PLEKHA8: variants seen among roughly 807,000 people sequenced by gnomAD.
PLEKHA8 encodes the protein pleckstrin homology domain-containing family A member 8.
A neutral mutation model predicts 68.2 loss-of-function variants in PLEKHA8; 36 were observed. The ratio of observed to expected loss-of-function variants is 0.53; its 90% CI spans 0.40 to 0.70. PLEKHA8 has a LOEUF of 0.70. Among genes scored for constraint, PLEKHA8 ranks in the 30% least tolerant of loss-of-function variants. PLEKHA8 has a pLI of 0.00. For missense variants in PLEKHA8, 505 were observed against 615.4 expected, an observed-to-expected ratio of 0.82 and a Z score of 1.90; for synonymous variants, 211 against 216.1, an observed-to-expected ratio of 0.98 and a Z score of 0.20.
intron 2 of PLEKHA8, among the ~76,000 whole-genome samples, chr7:30,046,006 G>GT (rs1791925960): frequency 6.6e-6 from 1 of 152,178 alleles, no homozygotes; most frequent in African/African-American, 2.4e-5. Flanking sequence ...CAATTGCAAG[G>GT]TTTTCCCTCT....
chr7:30,061,292 G>T (rs1240558179), intron 10 of PLEKHA8, among the ~76,000 whole-genome samples: 2 of 152,120 alleles, frequency 1.3e-5, no homozygotes, highest in Admixed American at 1.3e-4. Context: ...TAAAAGATAG[G>T]TTATATAGTG....
intron 7 of PLEKHA8, among the ~76,000 whole-genome samples, chr7:30,053,367 C>T (rs1198442044): frequency 1.3e-5 from 2 of 152,170 alleles, no homozygotes; most frequent in East Asian, 3.8e-4. Flanking sequence ...GCACTAATCA[C>T]TGAAATCTAC....
At chr7:30,118,630 T>G (rs1308787938) in intron 13 of PLEKHA8, among the ~76,000 whole-genome samples, 10 of 150,778 alleles carry the variant, frequency 6.6e-5, no homozygotes, top group African/African-American at 1.5e-4. Context: ...CAGGCTGGAG[T>G]GCAGTGGCGC....
At chr7:30,088,822 T>C (rs1795282289), downstream of PLEKHA8, among the ~76,000 whole-genome samples, 1 of 151,978 alleles carries the variant, frequency 6.6e-6, no homozygotes, top group East Asian at 1.9e-4. Flanking sequence ...AGAACACTCA[T>C]TGAAATTTAG....
chr7:30,115,273 A>C (rs1384457433), intron 13 of PLEKHA8, among the ~76,000 whole-genome samples: 2 of 152,184 alleles, frequency 1.3e-5, no homozygotes, highest in Non-Finnish European at 2.9e-5. Context: ...CCTTTAAAAA[A>C]AGTATGATGT....
chr7:30,115,138 G>T (rs1043908324), intron 13 of PLEKHA8, among the ~76,000 whole-genome samples: 5 of 152,112 alleles, frequency 3.3e-5, no homozygotes, highest in African/African-American at 1.2e-4. Flanking sequence ...TCTGTTGCCA[G>T]TTCATTCATG....
At chr7:30,061,844 G>A in intron 10 of PLEKHA8, 53 bp from the exon 11 acceptor site, 1 of 1,606,266 alleles carries the variant, frequency 6.2e-7, no homozygotes, top group South Asian at 1.1e-5. Flanking sequence ...ATACTGAGTT[G>A]CTTGATAACT....
chr7:30,035,810 A>AT (rs527687338), intron 1 of PLEKHA8, among the ~76,000 whole-genome samples: 27 of 150,322 alleles, frequency 1.8e-4, no homozygotes, highest in Middle Eastern at 3.4e-3. Flanking sequence ...AGCCCGGCTG[A>AT]TTTTTTTTTG....
intron 4 of PLEKHA8, 78 bp from the exon 5 acceptor site, chr7:30,049,146 A>T: frequency 6.5e-7 from 1 of 1,545,078 alleles, no homozygotes; most frequent in Non-Finnish European, 8.9e-7. Flanking sequence ...TTTGTGGGCA[A>T]CCTCTAAGGA....
intron 12 of PLEKHA8, among the ~76,000 whole-genome samples, chr7:30,070,457 G>A (rs2127993562): frequency 6.6e-6 from 1 of 151,470 alleles, no homozygotes; most frequent in East Asian, 1.9e-4. Flanking sequence ...ATGGAAAAGA[G>A]TTTCTAGGCT....
At chr7:30,105,569 C>G (rs1376122234) in intron 13 of PLEKHA8, among the ~76,000 whole-genome samples, 4 of 152,246 alleles carry the variant, frequency 2.6e-5, no homozygotes, top group African/African-American at 9.6e-5. Flanking sequence ...ATCAAAACAG[C>G]AAGTTCAAGA....
At chr7:30,130,358 C>T (rs1796852535), downstream of PLEKHA8, 1 of 152,144 alleles carries the variant, frequency 6.6e-6, no homozygotes, top group Non-Finnish European at 1.5e-5. Context: ...CTGAAGGAAG[C>T]CCCTGAAAGT....
At position 30,079,821 on chromosome 7, in the gene PLEKHA8, C is replaced by T. The variant is rs941911571; in HGVS notation, c.*1034C>T. On this transcript the variant is annotated 3_prime_UTR_variant, in exon 14 of 14. Coordinates refer to ENST00000449726, the MANE Select transcript of PLEKHA8 (RefSeq NM_001197026.2). Reference sequence around the variant, plus strand: ...AAACTTTACACGTGATTCTTCTGCACACAGTATTGAAGAGCAACTAGATTA... The same window carrying T: ...AAACTTTACACGTGATTCTTCTGCATACAGTATTGAAGAGCAACTAGATTA... 3.3e-6 allele frequency: 3 copies of T among 910,888 alleles called. No homozygotes were observed. The East Asian group carries it at 3.6e-4, about 108-fold the overall frequency. The allele number at this position is 910,888 out of a possible 1,614,324, so 56.4% of individuals were successfully genotyped here. A position where few individuals can be genotyped will look rare whatever the true frequency, so the allele number is the denominator to read the frequency against.
At chr7:30,038,900 G>A (rs1283554491) in intron 1 of PLEKHA8, among the ~76,000 whole-genome samples, 2 of 150,704 alleles carry the variant, frequency 1.3e-5, no homozygotes, top group African/African-American at 4.9e-5. Context: ...GGTGGTTGCT[G>A]TTGGGAAATT....
chr7:30,090,030 A>G (rs2128005159), intron 12 of PLEKHA8: 1 of 921,990 alleles, frequency 1.1e-6, no homozygotes, highest in Non-Finnish European at 1.6e-6. Context: ...ATATTCTGAC[A>G]TAAGAATAAT....
intron 13 of PLEKHA8, among the ~76,000 whole-genome samples, chr7:30,099,217 AAGTGTCTCCACACC>A (rs1178116473): frequency 6.6e-6 from 1 of 152,190 alleles, no homozygotes; most frequent in African/African-American, 2.4e-5. Context: ...CTTTCAGTAG[AAGTGTCTCCACACC>A]AAGCAAGAAA....
intron 4 of PLEKHA8, 71 bp from the exon 5 acceptor site, chr7:30,049,153 A>C: frequency 1.9e-6 from 3 of 1,577,870 alleles, no homozygotes; most frequent in Non-Finnish European, 2.6e-6. Flanking sequence ...GCAACCTCTA[A>C]GGACATTCCA....
intron 13 of PLEKHA8, among the ~76,000 whole-genome samples, chr7:30,121,246 A>G (rs1327166390): frequency 1.3e-5 from 2 of 152,168 alleles, no homozygotes; most frequent in African/African-American, 4.8e-5. Context: ...AGCTCAGGGT[A>G]GATGTCAGGA....
rs1397460296 is a variant in PLEKHA8 at position 30,080,301 on chromosome 7, G to C, written c.*1514G>C. 1 of 985,268 alleles carries C rather than the reference G, an allele frequency of 1.0e-6. No individual in the cohort carries two copies. The highest frequency in any genetic ancestry group is 1.2e-6 in the Non-Finnish European group (1 of 829,944). 61.0% of individuals were successfully genotyped at this position (985,268 alleles called of 1,614,324 possible). ...TAGTCTCAGTAGACCATGCTGCCTC[G>C]AGTGTGCATCGGAGAGAAGCCATGG... On this transcript the variant is annotated 3_prime_UTR_variant, in exon 14 of 14. Coordinates refer to ENST00000449726, the MANE Select transcript of PLEKHA8 (RefSeq NM_001197026.2).
Sources: allele counts gnomAD v4.1 joint callset (sites outside exome capture counted in the v4.1 genomes callset), GRCh38; gene constraint gnomAD v4.1.1; transcripts MANE v1.5; gene names NCBI Gene and HGNC (gene_info 2026-07-23, HGNC 2026-07-21).